CFAP43: variants seen among roughly 807,000 people sequenced by gnomAD.
The protein encoded by CFAP43 is cilia- and flagella-associated protein 43.
CFAP43 carries 155 observed loss-of-function variants against 218.9 expected under a neutral mutation model. The observed-to-expected ratio is 0.71, with a 90% CI of 0.62 to 0.81. The LOEUF (loss-of-function observed/expected upper bound fraction) is 0.81, where lower values mean the gene tolerates loss of function less well. Ranked by LOEUF, CFAP43 falls within the 30% of genes least tolerant of loss-of-function variation. CFAP43 has a pLI of 0.00. For synonymous variants in CFAP43, 645 were observed against 681.3 expected, an observed-to-expected ratio of 0.95 and a Z score of 0.83; for missense variants, 1,778 against 1,954.3, an observed-to-expected ratio of 0.91 and a Z score of 1.70.
chr10:104,210,661 C>T (rs2090828401), intron 5 of CFAP43, among the ~76,000 whole-genome samples: 1 of 152,138 alleles, frequency 6.6e-6, no homozygotes, highest in South Asian at 2.1e-4. Flanking sequence ...GCACCCCACA[C>T]CTCACTTCCA....
intron 27 of CFAP43, among the ~76,000 whole-genome samples, chr10:104,159,716 T>C (rs1170092090): frequency 6.6e-6 from 1 of 152,024 alleles, no homozygotes; most frequent in Non-Finnish European, 1.5e-5. Flanking sequence ...TGAGAGTGAG[T>C]TGAGGGCGTC....
Position 104,194,009 on chromosome 10 carries a change from C to A in CFAP43, c.1299G>T (p.Thr433=), listed in dbSNP as rs773027424. The change falls in exon 11 of 38, where the codon ACG becomes ACT. Residue 433 remains threonine (T), a synonymous_variant. Transcript: ENST00000357060. ...VSKIYLNTLA[T]VLACCPSSLS... ...GGGAGGATGGACAGCAAGCCAGAAC[C>A]GTTGCCTGTTTAAAATAAACCCCAG... is the stretch of plus-strand genomic sequence containing the variant. 2 of 1,613,276 alleles carry A rather than the reference C, an allele frequency of 1.2e-6. No homozygotes were observed. The highest frequency in any genetic ancestry group is 1.7e-6 in the Non-Finnish European group (2 of 1,180,004).
At chr10:104,196,539 CTG>C (rs1244362066) in intron 10 of CFAP43, among the ~76,000 whole-genome samples, 1 of 152,234 alleles carries the variant, frequency 6.6e-6, no homozygotes, top group Non-Finnish European at 1.5e-5. Context: ...CCCTGAGAGA[CTG>C]TGCAAGAGGG....
At chr10:104,225,636 C>A in intron 2 of CFAP43, 79 bp from the exon 3 acceptor site, 2 of 1,171,408 alleles carry the variant, frequency 1.7e-6, no homozygotes, top group South Asian at 1.7e-5. Flanking sequence ...AGTTTATTTT[C>A]CTTTGCTAAT....
chr10:104,154,803 C>T (rs2088453560), intron 27 of CFAP43, among the ~76,000 whole-genome samples: 1 of 152,206 alleles, frequency 6.6e-6, no homozygotes, highest in African/African-American at 2.4e-5. Context: ...ACATGCTCTT[C>T]CATCTGCCTA....
intron 8 of CFAP43, among the ~76,000 whole-genome samples, chr10:104,201,001 C>T (rs1412816226): frequency 6.6e-6 from 1 of 152,164 alleles, no homozygotes; most frequent in Non-Finnish European, 1.5e-5. Flanking sequence ...AAATGCTTTG[C>T]TCACCTTGGC....
intron 19 of CFAP43, among the ~76,000 whole-genome samples, chr10:104,177,940 C>G (rs992663581): frequency 4.6e-5 from 7 of 152,042 alleles, no homozygotes; most frequent in Non-Finnish European, 7.4e-5. Context: ...TCTCATGTAC[C>G]CTTTCTCAAG....
rs1198233055 is a variant in CFAP43, at chr10:104,133,787, T to C, written c.4432-3A>G. 6.3e-7 allele frequency: 1 copy of C among 1,599,838 alleles called. No homozygotes were observed. The highest frequency in any genetic ancestry group is 8.5e-7 in the Non-Finnish European group (1 of 1,174,630). Reference sequence around the variant, plus strand: ...GCAACTTTCTTTTGTCCTTGAGTCTTTAAAAAAGTACATTAGATATCCATA... The same window carrying C: ...GCAACTTTCTTTTGTCCTTGAGTCTCTAAAAAAGTACATTAGATATCCATA... On this transcript the variant is annotated splice_polypyrimidine_tract_variant and splice_region_variant and intron_variant, in intron 34 of 37. Coordinates refer to ENST00000357060, the MANE Select transcript of CFAP43 (RefSeq NM_025145.7).
chr10:104,146,386 G>A, intron 29 of CFAP43, 37 bp from the exon 30 acceptor site: 3 of 1,547,846 alleles, frequency 1.9e-6, no homozygotes, highest in Non-Finnish European at 2.7e-6. Context: ...TGAAACTGGA[G>A]ACTTTCCAGC....
At chr10:104,151,488 T>A (rs1257000142) in intron 28 of CFAP43, among the ~76,000 whole-genome samples, 1 of 152,220 alleles carries the variant, frequency 6.6e-6, no homozygotes, top group Non-Finnish European at 1.5e-5. Context: ...TGATTTTCAT[T>A]TATCTAATGA....
chr10:104,132,694 C>T (rs193079242), intron 35 of CFAP43: 19 of 985,242 alleles, frequency 1.9e-5, no homozygotes, highest in Non-Finnish European at 2.3e-5. Flanking sequence ...TTCATGTACA[C>T]TAATTATTAC....
intron 27 of CFAP43, among the ~76,000 whole-genome samples, chr10:104,156,042 G>T (rs2088526451): frequency 1.3e-5 from 2 of 152,060 alleles, no homozygotes; most frequent in Admixed American, 1.3e-4. Flanking sequence ...AAAAAAGAAG[G>T]GACTTAAAAG....
At chr10:104,180,038 T>C (rs768603585) in intron 17 of CFAP43, 106 bp from the exon 18 acceptor site, 1 of 847,294 alleles carries the variant, frequency 1.2e-6, no homozygotes, top group Non-Finnish European at 1.9e-6. Context: ...TTTGTATTTG[T>C]TGCATTTTTG....
At chr10:104,139,280 A>G (rs1043906077) in intron 34 of CFAP43, among the ~76,000 whole-genome samples, 14 of 152,370 alleles carry the variant, frequency 9.2e-5, no homozygotes, top group African/African-American at 3.4e-4. Flanking sequence ...CAGTAGAAAA[A>G]GAGAGAGCGA....
In CFAP43 at chr10:104,214,256, T is replaced by C. The variant is rs1260973627; in HGVS notation, c.584+3A>G. The C allele has an allele frequency of 6.3e-7, 1 of 1,578,202 alleles. No individual in the cohort carries two copies. Among genetic ancestry groups the C allele is most frequent in the East Asian group, 2.3e-5 (1 of 44,118 alleles). On this transcript the variant is annotated splice_donor_region_variant and intron_variant, in intron 4 of 37. Coordinates refer to ENST00000357060, the MANE Select transcript of CFAP43 (RefSeq NM_025145.7). ...TTGCTACTGTTGTAACAAAGGCTCC[T>C]ACCTTGCTCTGAAACAATGCTCCTG...
At chr10:104,166,432 A>T in intron 23 of CFAP43, 56 bp downstream of exon 23, 2 of 1,335,332 alleles carry the variant, frequency 1.5e-6, no homozygotes, top group South Asian at 1.4e-5. Flanking sequence ...GAGGCCTTGA[A>T]AGCCACCTAA....
At chr10:104,192,851 G>A (rs944126431) in intron 11 of CFAP43, 1 of 162,348 alleles carries the variant, frequency 6.2e-6, no homozygotes, top group Non-Finnish European at 1.3e-5. Flanking sequence ...CTGAGCTAGG[G>A]TGGTGGAGCT....
chr10:104,179,754 C>A, intron 18 of CFAP43, 86 bp downstream of exon 18: 1 of 1,034,298 alleles, frequency 9.7e-7, no homozygotes, highest in Non-Finnish European at 1.5e-6. Context: ...CATCTTCTAA[C>A]TTTCCAGTAG....
chr10:104,173,143 G>A (rs2089477752), intron 19 of CFAP43, among the ~76,000 whole-genome samples: 1 of 152,002 alleles, frequency 6.6e-6, no homozygotes, highest in Non-Finnish European at 1.5e-5. Context: ...ATAAAAACAA[G>A]GCAGACAAAT....
Sources: gnomAD v4.1 joint callset for allele counts (sites outside exome capture counted in the v4.1 genomes callset) on GRCh38, gnomAD v4.1.1 for gene constraint, MANE v1.5 for transcripts, NCBI Gene and HGNC (gene_info 2026-07-23, HGNC 2026-07-21) for gene names.